RASGRF2: variants seen among roughly 807,000 people sequenced by gnomAD.
RASGRF2 encodes Ras protein specific guanine nucleotide releasing factor 2.
RASGRF2 carries 76 observed loss-of-function variants against 151.0 expected under a neutral mutation model. The ratio of observed to expected loss-of-function variants is 0.50; its 90% CI spans 0.42 to 0.61. The LOEUF (loss-of-function observed/expected upper bound fraction) is 0.61. Ranked by LOEUF, RASGRF2 falls within the 20% of genes least tolerant of loss-of-function variation. The pLI, the probability that RASGRF2 is intolerant of heterozygous loss-of-function variation, is 0.00. For missense variants in RASGRF2, 1,148 were observed against 1,564.6 expected (o/e 0.73, Z 4.49); for synonymous variants, 504 against 566.5 (o/e 0.89, Z 1.57).
chr5:81,217,515 A>G (rs771333513), intron 25 of RASGRF2, 42 bp downstream of exon 25: 20 of 1,368,026 alleles, frequency 1.5e-5, no homozygotes, highest in Non-Finnish European at 1.8e-5. Flanking sequence ...ATGGCTTTAG[A>G]GGTTTATAGA....
chr5:81,092,288 A>G (rs530396991), intron 9 of RASGRF2, among the ~76,000 whole-genome samples: 1 of 149,144 alleles, frequency 6.7e-6, no homozygotes, highest in Non-Finnish European at 1.5e-5. Flanking sequence ...ACTGAATTAT[A>G]TAATTTATAT....
At chr5:81,188,928 C>T (rs991770389) in intron 18 of RASGRF2, among the ~76,000 whole-genome samples, 1 of 152,208 alleles carries the variant, frequency 6.6e-6, no homozygotes, top group East Asian at 1.9e-4. Flanking sequence ...CATAAAAACC[C>T]GCTTCTGACT....
At chr5:81,058,800 A>G (rs1183536258) in intron 2 of RASGRF2, among the ~76,000 whole-genome samples, 1 of 142,540 alleles carries the variant, frequency 7.0e-6, no homozygotes, top group African/African-American at 2.6e-5. Context: ...AAAAAAAAAA[A>G]GAGAGTGTGT....
intron 1 of RASGRF2, among the ~76,000 whole-genome samples, chr5:81,017,069 A>C (rs938976015): frequency 2.6e-5 from 4 of 152,196 alleles, no homozygotes; most frequent in Admixed American, 2.6e-4. Flanking sequence ...ATGCATGAAC[A>C]CATTTATCTG....
At position 81,068,412 on chromosome 5, in the gene RASGRF2, G is replaced by A. The variant is rs1191414061; in HGVS notation, c.543+233G>A. Among the ~76,000 whole-genome samples the A allele has an allele frequency of 4.0e-5, 6 of 151,212 alleles. No homozygotes were observed. The East Asian group carries it at 1.2e-3, about 29-fold the overall frequency. On this transcript the variant is annotated intron_variant, in intron 3 of 26. Transcript: ENST00000265080. ...GTGCTTTTTTTTTTTTTTTTGGTGG[G>A]GGGTGGTTATTTGTTCTCCTGATAC...
At chr5:81,013,740 G>C (rs539825659) in intron 1 of RASGRF2, among the ~76,000 whole-genome samples, 25 of 151,968 alleles carry the variant, frequency 1.6e-4, no homozygotes, top group African/African-American at 5.8e-4. Context: ...ACTATTACTG[G>C]AACTAGAAAC....
intron 1 of RASGRF2, among the ~76,000 whole-genome samples, chr5:80,998,735 C>T (rs1230189920): frequency 6.6e-6 from 1 of 152,188 alleles, no homozygotes; most frequent in Non-Finnish European, 1.5e-5. Context: ...CCTGCTCTGC[C>T]TGTATAAGTT....
intron 1 of RASGRF2, among the ~76,000 whole-genome samples, chr5:80,993,465 G>A (rs1748719958): frequency 6.6e-6 from 1 of 152,204 alleles, no homozygotes; most frequent in East Asian, 1.9e-4. Flanking sequence ...AATTTATGTA[G>A]TGAGAGCATT....
chr5:81,071,969 A>C (rs79352208), intron 4 of RASGRF2, among the ~76,000 whole-genome samples: 2,311 of 152,280 alleles, frequency 0.015, 64 homozygotes, highest in African/African-American at 0.052. Flanking sequence ...AATACTGATA[A>C]AATTTTAAAA....
At chr5:81,059,829 G>C (rs1751361263) in intron 2 of RASGRF2, among the ~76,000 whole-genome samples, 1 of 150,784 alleles carries the variant, frequency 6.6e-6, no homozygotes, top group African/African-American at 2.4e-5. Context: ...GGGCAACAGA[G>C]GGAGACTCCA....
intron 23 of RASGRF2, among the ~76,000 whole-genome samples, chr5:81,215,203 G>A (rs1755708309): frequency 6.6e-6 from 1 of 151,904 alleles, no homozygotes. Context: ...GCCGCATGTG[G>A]TGGCATGCGC....
At chr5:81,153,052 A>G (rs1754172633) in intron 17 of RASGRF2, among the ~76,000 whole-genome samples, 1 of 152,328 alleles carries the variant, frequency 6.6e-6, no homozygotes, top group South Asian at 2.1e-4. Context: ...AAAAAACTCA[A>G]CAAAGGAATT....
At chr5:81,038,919 T>C (rs1750595155) in intron 1 of RASGRF2, among the ~76,000 whole-genome samples, 1 of 152,176 alleles carries the variant, frequency 6.6e-6, no homozygotes, top group Non-Finnish European at 1.5e-5. Flanking sequence ...GTGTTGCAAG[T>C]ATGTCTTTCA....
chr5:80,987,532 C>T (rs190594048), intron 1 of RASGRF2, among the ~76,000 whole-genome samples: 151 of 152,200 alleles, frequency 9.9e-4, no homozygotes, highest in African/African-American at 3.5e-3. Flanking sequence ...TTTGTAGTGA[C>T]GTCACTTATT....
intron 5 of RASGRF2, among the ~76,000 whole-genome samples, chr5:81,076,260 G>T (rs1751933704): frequency 6.6e-6 from 1 of 152,152 alleles, no homozygotes; most frequent in Non-Finnish European, 1.5e-5. Context: ...GAGAAACAGG[G>T]TGGTACCTAG....
At chr5:80,971,247 G>A (rs34992) in intron 1 of RASGRF2, among the ~76,000 whole-genome samples, 27,126 of 152,012 alleles carry the variant, frequency 0.18, 2,744 homozygotes, top group East Asian at 0.41. Flanking sequence ...CACCCCAACC[G>A]TGGGTAGCCA....
chr5:81,193,992 A>C (rs566951439), intron 18 of RASGRF2, among the ~76,000 whole-genome samples: 2 of 152,260 alleles, frequency 1.3e-5, no homozygotes, highest in South Asian at 4.2e-4. Flanking sequence ...GCAAAATGGA[A>C]ATCATGATAG....
intron 1 of RASGRF2, among the ~76,000 whole-genome samples, chr5:80,996,555 C>T (rs1385726635): frequency 2.9e-5 from 1 of 33,980 alleles, no homozygotes; most frequent in Non-Finnish European, 5.9e-5. Flanking sequence ...TCCTCCCCCT[C>T]CTCCTCCTCC....
At chr5:81,179,118 A>T (rs1199792235) in intron 17 of RASGRF2, among the ~76,000 whole-genome samples, 3 of 152,210 alleles carry the variant, frequency 2.0e-5, no homozygotes, top group East Asian at 3.9e-4. Context: ...TTTCATTGTG[A>T]TTGGAAGGCA....
Sources: gnomAD v4.1 joint callset for allele counts (sites outside exome capture counted in the v4.1 genomes callset) on GRCh38, gnomAD v4.1.1 for gene constraint, MANE v1.5 for transcripts, NCBI Gene and HGNC (gene_info 2026-07-23, HGNC 2026-07-21) for gene names.